Variants in ATP7A observed in about 807,000 individuals in gnomAD.
The protein encoded by ATP7A is ATPase copper transporting alpha.
Under a neutral mutation model 83.5 loss-of-function variants are expected in ATP7A, and 7 were observed. That is an observed-to-expected ratio of 0.08 (90% CI 0.05 to 0.16). The LOEUF is 0.16. Among genes scored for constraint, ATP7A ranks in the 10% least tolerant of loss-of-function variants. The pLI is 1.00. For synonymous variants in ATP7A, 354 were observed against 395.2 expected (o/e 0.90, Z 1.24); for missense variants, 940 against 1,120.8 (o/e 0.84, Z 2.30).
At chrX:78,014,880 C>A (rs1271992980) in intron 11 of ATP7A, 127 bp downstream of exon 11, 1 of 528,781 alleles carries the variant, frequency 1.9e-6, no homozygotes, top group African/African-American at 2.4e-5. Context: ...AAAAATTATC[C>A]ACATTTTGCC....
intron 18 of ATP7A, 146 bp from the exon 19 acceptor site, chrX:78,040,445 T>C: frequency 1.4e-6 from 1 of 706,127 alleles, no homozygotes; most frequent in Non-Finnish European, 2.1e-6. Context: ...ATAAAGTCTG[T>C]GTGGGCTTAG....
chrX:77,995,307 G>A lies in ATP7A; in HGVS notation c.1337-3171G>A, dbSNP rs143673420. ...AAGCCAGACGCAGTGGCTTACGCCT[G>A]TAATCCCACGACTTTGGGAGGCCGA... is the stretch of plus-strand genomic sequence containing the variant. On this transcript the variant is annotated intron_variant, in intron 4 of 22. Coordinates refer to ENST00000341514, the MANE Select transcript of ATP7A (RefSeq NM_000052.7). Among the ~76,000 whole-genome samples the A allele has an allele frequency of 6.0e-3, 669 of 111,279 alleles. 10 individuals carry two copies. Among genetic ancestry groups the A allele is most frequent in the East Asian group, 0.044 (152 of 3,494 alleles).
chrX:78,048,523 A>C lies in ATP7A; in HGVS notation c.*1953A>C, dbSNP rs1569550392. Reference sequence around the variant, plus strand: ...CCTTTTCTCTTTTATCCTTTCATATATACACATGCAAAGTTTACAACCTTA... The same window carrying C: ...CCTTTTCTCTTTTATCCTTTCATATCTACACATGCAAAGTTTACAACCTTA... On this transcript the variant is annotated 3_prime_UTR_variant, in exon 23 of 23. Transcript: ENST00000341514. The C allele has an allele frequency of 9.0e-6, 1 of 111,692 alleles. No individual in the cohort carries two copies. Among genetic ancestry groups the C allele is most frequent in the East Asian group, 2.8e-4 (1 of 3,551 alleles). 9.2% of individuals were successfully genotyped at this position (111,692 alleles called of 1,213,427 possible). A position where few individuals can be genotyped will look rare whatever the true frequency, so the allele number is the denominator to read the frequency against.
Position 77,988,266 on chromosome X carries a change from A to G in ATP7A, c.145A>G (p.Thr49Ala). 1 of 1,200,898 alleles carries G rather than the reference A, an allele frequency of 8.3e-7. No homozygotes were observed. The highest frequency in any genetic ancestry group is 1.1e-6 in the Non-Finnish European group (1 of 891,591). The change falls in exon 3 of 23, where the codon ACT (threonine) becomes GCT (alanine). Residue 49 changes from threonine to alanine, a missense_variant. Coordinates refer to ENST00000341514, the MANE Select transcript of ATP7A (RefSeq NM_000052.7). Reference protein sequence around the residue: ...IKVSLEEKNATIIYDPKLQTP... With the variant: ...IKVSLEEKNAAIIYDPKLQTP... Reference sequence around the variant, plus strand: ...GGTATCACTGGAAGAAAAAAATGCAACTATTATTTATGACCCTAAACTACA... The same window carrying G: ...GGTATCACTGGAAGAAAAAAATGCAGCTATTATTTATGACCCTAAACTACA...
rs782521880 is a variant in ATP7A, at chrX:77,996,399, C to T, written c.1337-2079C>T. Reference sequence around the variant, plus strand: ...ATTTGGAATCATTTGTAGTTGTTGCCTCAAGTGCAGGAAAATCAATTTTCC... The same window carrying T: ...ATTTGGAATCATTTGTAGTTGTTGCTTCAAGTGCAGGAAAATCAATTTTCC... On this transcript the variant is annotated intron_variant, in intron 4 of 22. Coordinates refer to ENST00000341514, the MANE Select transcript of ATP7A (RefSeq NM_000052.7). Among the ~76,000 whole-genome samples, 18 of 111,935 alleles carry T rather than the reference C, an allele frequency of 1.6e-4. 1 individual carries two copies. The East Asian group carries it at 2.8e-3, about 17-fold the overall frequency.
intron 1 of ATP7A, chrX:77,966,879 C>A (rs1557228833): frequency 3.1e-6 from 1 of 321,543 alleles, no homozygotes; most frequent in Non-Finnish European, 6.1e-6. Flanking sequence ...ATCTATTGAC[C>A]CATCCTTTAA....
At chrX:78,020,692 A>AT (rs1187118726) in intron 13 of ATP7A, among the ~76,000 whole-genome samples, 7 of 108,312 alleles carry the variant, frequency 6.5e-5, no homozygotes, top group African/African-American at 2.4e-4. Context: ...AATTAAAAAA[A>AT]TTTTTTTTTA....
intron 1 of ATP7A, among the ~76,000 whole-genome samples, chrX:77,927,742 C>T (rs1247452690): frequency 9.0e-6 from 1 of 110,925 alleles, no homozygotes; most frequent in African/African-American, 3.3e-5. Context: ...CCCATTAACT[C>T]GTCATTTACA....
intron 15 of ATP7A, among the ~76,000 whole-genome samples, chrX:78,030,183 TG>T (rs2077973762): frequency 8.9e-6 from 1 of 112,204 alleles, no homozygotes; most frequent in African/African-American, 3.2e-5. Context: ...CCCAGCACTT[TG>T]GGAGGCTGAG....
intron 2 of ATP7A, among the ~76,000 whole-genome samples, chrX:77,977,357 A>G (rs1207503023): frequency 8.9e-6 from 1 of 112,144 alleles, no homozygotes; most frequent in Non-Finnish European, 1.9e-5. Flanking sequence ...TGCTAATTGC[A>G]GTAAAGCTGT....
intron 1 of ATP7A, chrX:77,965,477 C>T (rs1557228602): frequency 9.5e-6 from 3 of 314,161 alleles, no homozygotes; most frequent in Non-Finnish European, 1.8e-5. Flanking sequence ...TACCACTTCA[C>T]ACCTGCTAGG....
chrX:77,998,573 G>A lies in ATP7A; in HGVS notation c.1432G>A (p.Val478Ile). 8.3e-7 allele frequency: 1 copy of A among 1,211,768 alleles called. No homozygotes were observed. The highest frequency in any genetic ancestry group is 1.1e-6 in the Non-Finnish European group (1 of 895,379). ...NEFYTKGMTP[V>I]QDKEEGKNSS... ...ATTTTATACTAAAGGGATGACACCA[G>A]TTCAAGACAAGGAGGAAGGAAAGAA... The change falls in exon 5 of 23, where the codon GTT becomes ATT. Residue 478 changes from valine (V) to isoleucine (I), a missense_variant. Around this residue, in one of 3 missense-constraint regions of ATP7A, gnomAD observed 350 missense variants for 432.8 expected, o/e 0.81. Coordinates refer to ENST00000341514, the MANE Select transcript of ATP7A (RefSeq NM_000052.7).
intron 1 of ATP7A, among the ~76,000 whole-genome samples, chrX:77,946,770 T>A (rs1423587090): frequency 1.9e-5 from 2 of 107,845 alleles, no homozygotes. Context: ...ATATCAAGTG[T>A]TGGCGAGAAA....
intron 16 of ATP7A, among the ~76,000 whole-genome samples, chrX:78,033,300 G>C (rs1315150740): frequency 8.9e-6 from 1 of 111,928 alleles, no homozygotes; most frequent in Non-Finnish European, 1.9e-5. Flanking sequence ...TAGAGACAGG[G>C]TTTCACCATT....
intron 2 of ATP7A, among the ~76,000 whole-genome samples, chrX:77,982,133 ATATAT>A (rs1450407889): frequency 8.9e-6 from 1 of 111,763 alleles, no homozygotes; most frequent in Non-Finnish European, 1.9e-5. Context: ...TGATTCAAAA[ATATAT>A]TATGGGTGGT....
intron 1 of ATP7A, among the ~76,000 whole-genome samples, chrX:77,939,426 C>T (rs904664633): frequency 2.7e-5 from 3 of 110,679 alleles, no homozygotes; most frequent in South Asian, 3.8e-4. Context: ...GCAGTATGGC[C>T]GGGTCAGAGA....
chrX:77,973,211 T>TAC (rs1557229892), intron 2 of ATP7A, among the ~76,000 whole-genome samples: 6 of 111,923 alleles, frequency 5.4e-5, no homozygotes. Context: ...TGTCTGTAAG[T>TAC]AAAGTTTTAG....
In ATP7A at chrX:78,009,115, C is replaced by G. The variant is rs782076879; in HGVS notation, c.1721C>G (p.Thr574Arg). Residue 574 changes from threonine to arginine, a missense_variant, in exon 7 of 23, where the codon ACG becomes AGG. Thr to Arg is a moderately conservative substitution (Grantham distance 71). Coordinates refer to ENST00000341514, the MANE Select transcript of ATP7A (RefSeq NM_000052.7). ...TGTCTTTAACAGGTGAGGGGAATGA[C>G]GTGTGCCTCCTGCGTACATAAAATA... ...GVLELVVRGM[T>R]CASCVHKIES... 8 of 1,207,230 alleles carry G rather than the reference C, an allele frequency of 6.6e-6. No individual in the cohort carries two copies. The Admixed American group carries it at 1.1e-4, about 17-fold the overall frequency.
rs782190703 is a variant in ATP7A, at chrX:77,931,637, G to C, written c.-22+20802G>C. ...TCCCGGACGGGGCGGCTGGCCGGGC[G>C]GGGGGCTGACCCGCCCACCTCCCTC... is the stretch of plus-strand genomic sequence containing the variant. On this transcript the variant is annotated intron_variant, in intron 1 of 22. Coordinates refer to ENST00000341514, the MANE Select transcript of ATP7A (RefSeq NM_000052.7). Among the ~76,000 whole-genome samples, 1,021 of 104,979 alleles carry C rather than the reference G, an allele frequency of 9.7e-3. 15 individuals carry two copies. Among genetic ancestry groups the C allele is most frequent in the African/African-American group, 0.034 (983 of 28,552 alleles). 91.2% of individuals were successfully genotyped at this position (104,979 alleles called of 115,157 possible).
Sources: allele counts gnomAD v4.1 joint callset (sites outside exome capture counted in the v4.1 genomes callset), GRCh38; gene constraint gnomAD v4.1.1; regional missense constraint gnomAD v4.1.1; transcripts MANE v1.5; gene names NCBI Gene and HGNC (gene_info 2026-07-23, HGNC 2026-07-21).